Variants in ITIH5 observed in about 807,000 individuals in gnomAD.
The protein encoded by ITIH5 is inter-alpha-trypsin inhibitor heavy chain 5.
Under a neutral mutation model 77.5 loss-of-function variants are expected in ITIH5, and 65 were observed. The observed-to-expected ratio is 0.84, with a 90% CI of 0.69 to 1.03. ITIH5 has a LOEUF of 1.03. Ranked by LOEUF, ITIH5 falls within the 50% of genes least tolerant of loss-of-function variation. The pLI is 0.00. For missense variants in ITIH5, 1,208 were observed against 1,213.1 expected (o/e 1.00, Z 0.06); for synonymous variants, 525 against 494.3 (o/e 1.06, Z -0.82).
At chr10:7,644,860 TCA>T (rs1342722887) in intron 2 of ITIH5, among the ~76,000 whole-genome samples, 3 of 127,316 alleles carry the variant, frequency 2.4e-5, no homozygotes, top group Non-Finnish European at 4.8e-5. Context: ...CACATATGTA[TCA>T]CATATATATC....
chr10:7,649,314 CCCT>C (rs1225110720), intron 2 of ITIH5, among the ~76,000 whole-genome samples: 3 of 151,806 alleles, frequency 2.0e-5, no homozygotes, highest in African/African-American at 7.3e-5. Context: ...CTTTCCCTTC[CCCT>C]CCTCCTCCTC....
chr10:7,618,915 T>G (rs991818221), intron 5 of ITIH5: 3 of 152,222 alleles, frequency 2.0e-5, no homozygotes, highest in Non-Finnish European at 4.4e-5. Flanking sequence ...AACCACAAGG[T>G]AGAACAGATT....
At chr10:7,595,715 T>C (rs189146188) in intron 7 of ITIH5, among the ~76,000 whole-genome samples, 321 of 152,248 alleles carry the variant, frequency 2.1e-3, no homozygotes, top group African/African-American at 7.3e-3. Flanking sequence ...GACATAAATA[T>C]AAGTAAACTC....
chr10:7,637,249 T>A lies in ITIH5; in HGVS notation c.631A>T (p.Arg211Trp). 4 of 1,609,640 alleles carry A rather than the reference T, an allele frequency of 2.5e-6. No homozygotes were observed. Among genetic ancestry groups the A allele is most frequent in the Non-Finnish European group, 3.4e-6 (4 of 1,179,944 alleles). ...EVLPLHNSRQRGSGRGEDDSG... is the reference protein window; with the variant it reads ...EVLPLHNSRQWGSGRGEDDSG... ...TCACCTTCCCCGCGCCCACTGCCCC[T>A]CTGCCTGCTGTTGTGAAGCGGCAGC... The change falls in exon 5 of 14, where the codon AGG (arginine) becomes TGG (tryptophan). Residue 211 changes from arginine (R) to tryptophan (W), a missense_variant. By Grantham distance (101) the Arg-to-Trp change is moderately radical. Coordinates refer to ENST00000397146, the MANE Select transcript of ITIH5 (RefSeq NM_030569.7).
rs111905334 is a variant in ITIH5 at position 7,559,862 on chromosome 10, G to GTT, written c.*3219_*3220dup. The GTT allele has an allele frequency of 5.1e-4, 209 of 406,540 alleles. No homozygotes were observed. In the African/African-American group the frequency reaches 5.4e-3, roughly 10 times the overall value. The allele number at this position is 406,540 out of a possible 1,614,324, so 25.2% of individuals were successfully genotyped here. A position where few individuals can be genotyped will look rare whatever the true frequency, so the allele number is the denominator to read the frequency against. Reference sequence around the variant, plus strand: ...CCATGTCTTTTTTTTGTTTTGTTTTGTTTTTTTTTGACGGAGTTTGGCTCT... The same window carrying GTT: ...CCATGTCTTTTTTTTGTTTTGTTTTGTTTTTTTTTTTGACGGAGTTTGGCTCT... On this transcript the variant is annotated 3_prime_UTR_variant, in exon 14 of 14. Transcript: ENST00000397146.
chr10:7,596,134 T>C (rs1289307283), intron 7 of ITIH5, among the ~76,000 whole-genome samples: 1 of 152,210 alleles, frequency 6.6e-6, no homozygotes, highest in East Asian at 1.9e-4. Flanking sequence ...ACAGAGTCTC[T>C]TTAATGGTGT....
intron 7 of ITIH5, among the ~76,000 whole-genome samples, chr10:7,613,686 A>G (rs1016399255): frequency 3.9e-5 from 6 of 152,216 alleles, no homozygotes; most frequent in Non-Finnish European, 8.8e-5. Flanking sequence ...AAAAAATCTG[A>G]GAGAAGATGC....
At chr10:7,581,962 G>A (rs1470570436) in intron 8 of ITIH5, among the ~76,000 whole-genome samples, 2 of 144,436 alleles carry the variant, frequency 1.4e-5, no homozygotes, top group African/African-American at 2.6e-5. Flanking sequence ...TGCAACCTCT[G>A]CCTCCTGTGT....
chr10:7,569,623 C>A, intron 12 of ITIH5, 45 bp downstream of exon 12: 1 of 1,288,918 alleles, frequency 7.8e-7, no homozygotes, highest in Admixed American at 2.0e-5. Flanking sequence ...GATGCAGTAC[C>A]TACCTGGTCC....
intron 5 of ITIH5, among the ~76,000 whole-genome samples, chr10:7,624,914 T>TATACATGTATATACAC (rs1833551398): frequency 7.0e-6 from 1 of 143,462 alleles, no homozygotes; most frequent in Admixed American, 7.0e-5. Context: ...CATATATATA[T>TATACATGTATATACAC]ATATATATGC....
chr10:7,589,579 A>G (rs1832751353), intron 7 of ITIH5, among the ~76,000 whole-genome samples: 1 of 152,010 alleles, frequency 6.6e-6, no homozygotes, highest in Non-Finnish European at 1.5e-5. Context: ...TCGGGGAGAA[A>G]AGAACAGCAA....
At chr10:7,652,875 GA>G (rs1834123170) in intron 2 of ITIH5, among the ~76,000 whole-genome samples, 1 of 151,562 alleles carries the variant, frequency 6.6e-6, no homozygotes, top group African/African-American at 2.4e-5. Flanking sequence ...AAACACAATA[GA>G]AAGATGGGCA....
intron 1 of ITIH5, among the ~76,000 whole-genome samples, chr10:7,665,279 T>C (rs1445211232): frequency 6.6e-6 from 1 of 152,190 alleles, no homozygotes; most frequent in Non-Finnish European, 1.5e-5. Context: ...ACAGAATCTT[T>C]GTTTCAGTCC....
rs1241892373 is a variant in ITIH5 at position 7,563,335 on chromosome 10, G to A, written c.2577C>T (p.Pro859=). The change falls in exon 14 of 14, where the codon CCC becomes CCT. Residue 859 remains proline, a synonymous_variant. Transcript: ENST00000397146. ...DARLTEDPAG[P]SQNLTHPLLL... ...GCAGAGGGTGAGTGAGGTTCTGGCT[G>A]GGCCCTGCAGGGTCTTCTGTGAGTC... 2.5e-6 allele frequency: 4 copies of A among 1,614,160 alleles called. No homozygotes were observed. The Admixed American group carries it at 6.7e-5, about 27-fold the overall frequency.
At chr10:7,632,781 G>A (rs1398070623) in intron 5 of ITIH5, among the ~76,000 whole-genome samples, 1 of 152,144 alleles carries the variant, frequency 6.6e-6, no homozygotes, top group African/African-American at 2.4e-5. Context: ...AGGATTGAGA[G>A]TCATTGATGT....
intron 9 of ITIH5, among the ~76,000 whole-genome samples, chr10:7,578,144 A>G (rs185713394): frequency 6.6e-6 from 1 of 152,316 alleles, no homozygotes; most frequent in East Asian, 1.9e-4. Flanking sequence ...CAGAGCAATA[A>G]AACAGAAGGA....
Position 7,617,131 on chromosome 10 carries a change from C to G in ITIH5, c.804G>C (p.Gln268His), listed in dbSNP as rs139437314. 2.0e-5 allele frequency: 32 copies of G among 1,577,054 alleles called. No individual in the cohort carries two copies. Among genetic ancestry groups the G allele is most frequent in the Non-Finnish European group, 2.1e-5 (24 of 1,167,068 alleles). Residue 268 changes from glutamine (Q) to histidine (H), a missense_variant, in exon 6 of 14, where the codon CAG (glutamine) becomes CAC (histidine). Coordinates refer to ENST00000397146, the MANE Select transcript of ITIH5 (RefSeq NM_030569.7). ...CTATTACCTGGATGTCCCCAATGCT[C>G]TGTTCTCTATTGACGTCATATCTAA... Reference protein sequence around the residue: ...FIIRYDVNREQSIGDIQVLNG... With the variant: ...FIIRYDVNREHSIGDIQVLNG...
chr10:7,630,863 A>G (rs1324523291), intron 5 of ITIH5, among the ~76,000 whole-genome samples: 1 of 152,142 alleles, frequency 6.6e-6, no homozygotes, highest in Non-Finnish European at 1.5e-5. Context: ...GTGATGAACC[A>G]GATGGCAGGA....
At chr10:7,644,530 GATATATCACATATATATGATATATCAC>G (rs1276698317) in intron 2 of ITIH5, among the ~76,000 whole-genome samples, 1 of 59,754 alleles carries the variant, frequency 1.7e-5, no homozygotes, top group Admixed American at 1.6e-4. Context: ...ACATATATAT[GATATATCACATATATATGATATATCAC>G]ATATATATGA....
Sources: gnomAD v4.1 joint callset for allele counts (sites outside exome capture counted in the v4.1 genomes callset) on GRCh38, gnomAD v4.1.1 for gene constraint, MANE v1.5 for transcripts, NCBI Gene and HGNC (gene_info 2026-07-23, HGNC 2026-07-21) for gene names.